Variants in ALG14 observed in about 807,000 individuals in gnomAD.
ALG14 encodes the protein UDP-N-acetylglucosamine transferase subunit ALG14.
In ALG14, 17 loss-of-function variants were observed where a neutral mutation model predicts 22.8. The ratio of observed to expected loss-of-function variants is 0.75; its 90% CI spans 0.51 to 1.12. ALG14 has a LOEUF of 1.12. Among genes scored for constraint, ALG14 ranks in the 50% most tolerant of loss-of-function variants. The probability of loss-of-function intolerance (pLI) is 0.00; values close to 1 mark genes in which losing one functional copy is unlikely to be tolerated. For missense variants in ALG14, 288 were observed against 271.8 expected (o/e 1.06, Z -0.42); for synonymous variants, 89 against 103.7 (o/e 0.86, Z 0.86).
chr1:95,017,100 T>A (rs1282102211), intron 3 of ALG14, among the ~76,000 whole-genome samples: 1 of 151,914 alleles, frequency 6.6e-6, no homozygotes, highest in Non-Finnish European at 1.5e-5. Context: ...GATCATCAGT[T>A]TGCTGCAGAA....
chr1:95,071,463 G>C (rs1675563402), intron 1 of ALG14, among the ~76,000 whole-genome samples: 1 of 152,156 alleles, frequency 6.6e-6, no homozygotes, highest in African/African-American at 2.4e-5. Context: ...AGAATGGCTT[G>C]AATTTGGGAG....
intron 2 of ALG14, among the ~76,000 whole-genome samples, chr1:95,055,484 T>C (rs927709256): frequency 6.6e-6 from 1 of 151,932 alleles, no homozygotes; most frequent in Non-Finnish European, 1.5e-5. Flanking sequence ...AAGACTCTTA[T>C]AAAGACAATT....
intron 2 of ALG14, among the ~76,000 whole-genome samples, chr1:95,063,942 C>T (rs1675259271): frequency 6.6e-6 from 1 of 152,138 alleles, no homozygotes; most frequent in Non-Finnish European, 1.5e-5. Flanking sequence ...TTGTTTGTGT[C>T]CTCTCTGATT....
intron 3 of ALG14, among the ~76,000 whole-genome samples, chr1:95,023,187 G>C (rs1315255457): frequency 6.6e-6 from 1 of 151,958 alleles, no homozygotes; most frequent in Non-Finnish European, 1.5e-5. Flanking sequence ...GGGGTGCAAT[G>C]ATCTCAGCTC....
intron 2 of ALG14, among the ~76,000 whole-genome samples, chr1:95,049,598 T>C (rs1674679124): frequency 6.6e-6 from 1 of 151,806 alleles, no homozygotes; most frequent in Admixed American, 6.6e-5. Context: ...AGGTAAAAAA[T>C]ACAGGCTCAT....
At chr1:95,011,559 G>A (rs1337227467) in intron 3 of ALG14, among the ~76,000 whole-genome samples, 2 of 151,866 alleles carry the variant, frequency 1.3e-5, no homozygotes, top group African/African-American at 2.4e-5. Flanking sequence ...CTGAGTAGCT[G>A]GGACTACAGG....
intron 1 of ALG14, among the ~76,000 whole-genome samples, chr1:95,071,961 A>G (rs146462874): frequency 6.6e-6 from 1 of 152,342 alleles, no homozygotes; most frequent in African/African-American, 2.4e-5. Flanking sequence ...CACAGGACTT[A>G]GCACGGAGTC....
chr1:95,051,624 C>T (rs1481069171), intron 2 of ALG14, among the ~76,000 whole-genome samples: 1 of 152,234 alleles, frequency 6.6e-6, no homozygotes, highest in Non-Finnish European at 1.5e-5. Context: ...CTAAGCCTAA[C>T]ATCCTTACCT....
At chr1:95,023,097 T>C (rs1216951087) in intron 3 of ALG14, among the ~76,000 whole-genome samples, 2 of 151,964 alleles carry the variant, frequency 1.3e-5, no homozygotes, top group African/African-American at 4.8e-5. Flanking sequence ...AATCACAGTA[T>C]CCTACTTATA....
chr1:95,009,048 C>T (rs1187446884), intron 3 of ALG14, among the ~76,000 whole-genome samples: 1 of 151,906 alleles, frequency 6.6e-6, no homozygotes, highest in Non-Finnish European at 1.5e-5. Flanking sequence ...CATTTTGTTT[C>T]TCCACATCTG....
At chr1:95,010,007 A>C (rs1673320051) in intron 3 of ALG14, among the ~76,000 whole-genome samples, 1 of 152,220 alleles carries the variant, frequency 6.6e-6, no homozygotes, top group Admixed American at 6.5e-5. Context: ...GAAATTATTA[A>C]CCCAAATAAT....
chr1:94,982,999 T>C lies in ALG14; in HGVS notation c.*77A>G. On this transcript the variant is annotated 3_prime_UTR_variant, in exon 4 of 4. Transcript: ENST00000370205. ...CTGTCAGACGCCTTTACAAGAAACA[T>C]GTAGGGTTTTTTTCCCCCCAATTTG... The C allele has an allele frequency of 4.9e-6, 6 of 1,235,178 alleles. No individual in the cohort carries two copies. The highest frequency in any genetic ancestry group is 1.5e-5 in the African/African-American group (1 of 66,560). 76.5% of individuals were successfully genotyped at this position (1,235,178 alleles called of 1,614,324 possible).
At chr1:95,045,195 C>T (rs1203153589) in intron 2 of ALG14, among the ~76,000 whole-genome samples, 1 of 152,014 alleles carries the variant, frequency 6.6e-6, no homozygotes, top group Admixed American at 6.6e-5. Context: ...ACTTGATAGT[C>T]TTTTGTTGAT....
intron 3 of ALG14, among the ~76,000 whole-genome samples, chr1:95,001,778 G>A (rs542235239): frequency 6.6e-6 from 1 of 152,326 alleles, no homozygotes; most frequent in Non-Finnish European, 1.5e-5. Flanking sequence ...TTATAGGTGT[G>A]AGCCACCAAA....
rs1381348751 is a variant in ALG14 at position 94,979,308 on chromosome 1, A to AG, written c.*3767_*3768insC. On this transcript the variant is annotated 3_prime_UTR_variant, in exon 4 of 4. Coordinates refer to ENST00000370205, the MANE Select transcript of ALG14 (RefSeq NM_144988.4). The stretch of plus-strand genomic sequence containing the variant: ...CTGTCTCGAAAAAAAAAAAAAAAAA[A>AG]AAAAAAGAAAGAAAAAAGTGAAACA... The AG allele has an allele frequency of 4.0e-5, 6 of 150,464 alleles. No individual in the cohort carries two copies. Among genetic ancestry groups the AG allele is most frequent in the East Asian group, 3.9e-4 (2 of 5,110 alleles). The allele number at this position is 150,464 out of a possible 1,614,324, so 9.3% of individuals were successfully genotyped here. A position where few individuals can be genotyped will look rare whatever the true frequency, so the allele number is the denominator to read the frequency against.
chr1:95,026,316 C>G (rs906223037), intron 3 of ALG14, among the ~76,000 whole-genome samples: 3 of 152,156 alleles, frequency 2.0e-5, no homozygotes, highest in Non-Finnish European at 4.4e-5. Context: ...GCCTTCCTCA[C>G]TAAGCTTAAT....
intron 2 of ALG14, among the ~76,000 whole-genome samples, chr1:95,045,102 T>C (rs919094876): frequency 6.6e-6 from 1 of 152,318 alleles, no homozygotes; most frequent in South Asian, 2.1e-4. Flanking sequence ...TCATTATTTT[T>C]CTAACAGTTA....
chr1:95,037,559 C>T (rs987335711), intron 2 of ALG14, among the ~76,000 whole-genome samples: 2 of 152,188 alleles, frequency 1.3e-5, no homozygotes, highest in Admixed American at 6.5e-5. Flanking sequence ...GAAGACAGAG[C>T]AGAGAGACAA....
chr1:95,041,646 A>G (rs1674384032), intron 2 of ALG14: 1 of 152,122 alleles, frequency 6.6e-6, no homozygotes, highest in Admixed American at 6.6e-5. Context: ...GAAAGAAAAA[A>G]AAAGAAAGGG....
Sources: allele counts gnomAD v4.1 joint callset (sites outside exome capture counted in the v4.1 genomes callset), GRCh38; gene constraint gnomAD v4.1.1; transcripts MANE v1.5; gene names NCBI Gene and HGNC (gene_info 2026-07-23, HGNC 2026-07-21).